ATP11A: variants seen among roughly 807,000 people sequenced by gnomAD.
ATP11A encodes ATPase phospholipid transporting 11A, also known as phospholipid-transporting ATPase IH.
In ATP11A, 81 loss-of-function variants were observed where a neutral mutation model predicts 154.4. The ratio of observed to expected loss-of-function variants is 0.52; its 90% CI spans 0.44 to 0.63. The LOEUF (loss-of-function observed/expected upper bound fraction) is 0.63. ATP11A is among the 30% of genes least tolerant of loss of function. The pLI, the probability that ATP11A is intolerant of heterozygous loss-of-function variation, is 0.00. For missense variants in ATP11A, 1,316 were observed against 1,474.3 expected (o/e 0.89, Z 1.76); for synonymous variants, 623 against 585.9 (o/e 1.06, Z -0.91).
At chr13:112,860,855 T>C in intron 24 of ATP11A, 1 of 154,300 alleles carries the variant, frequency 6.5e-6, no homozygotes, top group Non-Finnish European at 1.4e-5. Context: ...ATGGAAGAGA[T>C]ATTTTTCTGC....
intron 18 of ATP11A, among the ~76,000 whole-genome samples, chr13:112,853,160 C>A (rs997533851): frequency 6.6e-6 from 1 of 151,954 alleles, no homozygotes; most frequent in Non-Finnish European, 1.5e-5. Context: ...TTGGAGGCTG[C>A]GGTGAGCTGA....
chr13:112,795,843 G>A (rs1342114349), intron 2 of ATP11A, among the ~76,000 whole-genome samples: 4 of 152,192 alleles, frequency 2.6e-5, no homozygotes, highest in Admixed American at 1.3e-4. Flanking sequence ...TGTTTGCCAA[G>A]TTGTATACAC....
intron 27 of ATP11A, among the ~76,000 whole-genome samples, chr13:112,873,919 G>A (rs895482754): frequency 6.6e-6 from 1 of 152,174 alleles, no homozygotes; most frequent in African/African-American, 2.4e-5. Context: ...AACAGCTTGT[G>A]ACGAGTTATA....
chr13:112,710,236 G>A (rs1315235931), intron 1 of ATP11A, among the ~76,000 whole-genome samples: 1 of 152,164 alleles, frequency 6.6e-6, no homozygotes, highest in Admixed American at 6.5e-5. Flanking sequence ...GCTGCCTTGG[G>A]GGCCCTTTGG....
chr13:112,698,879 G>A (rs1017650784), intron 1 of ATP11A, among the ~76,000 whole-genome samples: 2 of 151,978 alleles, frequency 1.3e-5, no homozygotes, highest in African/African-American at 2.4e-5. Flanking sequence ...CTGCCACCAC[G>A]CCTGTCTCAT....
chr13:112,758,929 T>G (rs1172076322), intron 1 of ATP11A, among the ~76,000 whole-genome samples: 1 of 152,254 alleles, frequency 6.6e-6, no homozygotes, highest in Admixed American at 6.5e-5. Flanking sequence ...ACGTACAGTT[T>G]TGTAGCCTTC....
intron 25 of ATP11A, among the ~76,000 whole-genome samples, chr13:112,864,349 T>TCGC (rs1566589939): frequency 4.2e-5 from 2 of 47,896 alleles, no homozygotes; most frequent in African/African-American, 7.5e-5. Context: ...GTGCAGGCCA[T>TCGC]GCAGCTTCCC....
chr13:112,835,762 G>A (rs986965869), intron 15 of ATP11A, among the ~76,000 whole-genome samples: 9 of 152,228 alleles, frequency 5.9e-5, no homozygotes, highest in East Asian at 1.9e-4. Context: ...CAGCCAAAAC[G>A]CTTTTTCCTT....
Position 112,875,838 on chromosome 13 carries a change from C to T in ATP11A, c.3224C>T (p.Ala1075Val), listed in dbSNP as rs769836997. 1.9e-6 allele frequency: 3 copies of T among 1,614,000 alleles called. No homozygotes were observed. In the East Asian group the frequency reaches 6.7e-5, roughly 36 times the overall value. The stretch of plus-strand genomic sequence containing the variant: ...ATCCAGATGCTGTCCAGCGGGCCCG[C>T]CTGGCTGGCCATCGTGCTGCTGGTG... ...VFIQMLSSGP[A>V]WLAIVLLVTI... is the part of the protein sequence containing the mutation. The change falls in exon 28 of 30, where the codon GCC (alanine) becomes GTC (valine). Residue 1075 changes from alanine to valine, a missense_variant. Coordinates refer to ENST00000375645, the MANE Select transcript of ATP11A (RefSeq NM_015205.3). The surrounding 1 kb of genome is among the most constrained non-coding windows in gnomAD (Gnocchi z 4.1).
At chr13:112,836,470 G>A (rs555862871) in intron 16 of ATP11A, among the ~76,000 whole-genome samples, 165 of 152,120 alleles carry the variant, frequency 1.1e-3, no homozygotes, top group Non-Finnish European at 2.1e-3. Flanking sequence ...CTAAACATCC[G>A]GCACCCTTGC....
rs1446013673 is a variant in ATP11A, at chr13:112,838,335, T to C, written c.1705+2084T>C. The stretch of plus-strand genomic sequence containing the variant: ...CCCCGTAGCAGTCGAATCTAGCTGT[T>C]GAGCCATGGCTGGAACATGCTGCCC... On this transcript the variant is annotated intron_variant, in intron 16 of 29. Transcript: ENST00000375645. The surrounding 1 kb of genome is among the most constrained non-coding windows in gnomAD (Gnocchi z 7.3). Among the ~76,000 whole-genome samples, 1 of 152,114 alleles carries C rather than the reference T, an allele frequency of 6.6e-6. No homozygotes were observed. The highest frequency in any genetic ancestry group is 2.4e-5 in the African/African-American group (1 of 41,422).
intron 8 of ATP11A, among the ~76,000 whole-genome samples, chr13:112,822,370 C>T (rs1399619283): frequency 6.6e-6 from 1 of 152,182 alleles, no homozygotes; most frequent in African/African-American, 2.4e-5. Flanking sequence ...CAGAACGGGG[C>T]TTGTTCTTCC....
At chr13:112,725,049 C>CA (rs2139657804) in intron 1 of ATP11A, among the ~76,000 whole-genome samples, 1 of 152,282 alleles carries the variant, frequency 6.6e-6, no homozygotes, top group South Asian at 2.1e-4. Flanking sequence ...GGTGTGGGAC[C>CA]AACAGCTGAT....
At chr13:112,758,985 C>G (rs955253932) in intron 1 of ATP11A, among the ~76,000 whole-genome samples, 1 of 152,090 alleles carries the variant, frequency 6.6e-6, no homozygotes, top group African/African-American at 2.4e-5. Context: ...ATCATTGAAC[C>G]AATTCATTTA....
At chr13:112,831,218 C>T (rs2079074585) in intron 12 of ATP11A, among the ~76,000 whole-genome samples, 157 bp from the exon 13 acceptor site, 1 of 152,148 alleles carries the variant, frequency 6.6e-6, no homozygotes, top group Non-Finnish European at 1.5e-5. Flanking sequence ...CATGGCTCAG[C>T]CCAGTGAGGG....
chr13:112,883,538 T>C lies in ATP11A; in HGVS notation c.*1672T>C, dbSNP rs929744709. 1 of 223,802 alleles carries C rather than the reference T, an allele frequency of 4.5e-6. No homozygotes were observed. The highest frequency in any genetic ancestry group is 2.3e-5 in the African/African-American group (1 of 44,080). The allele number at this position is 223,802 out of a possible 1,614,324, so 13.9% of individuals were successfully genotyped here. On this transcript the variant is annotated 3_prime_UTR_variant, in exon 30 of 30. Transcript: ENST00000375645. Reference sequence around the variant, plus strand: ...ATTTTTGGAAGCTCAGATTTCACCATTTGATTGTATAATCTTTTACCTATA... The same window carrying C: ...ATTTTTGGAAGCTCAGATTTCACCACTTGATTGTATAATCTTTTACCTATA...
chr13:112,791,471 C>T (rs2077855172), intron 2 of ATP11A, among the ~76,000 whole-genome samples: 2 of 152,240 alleles, frequency 1.3e-5, no homozygotes, highest in Non-Finnish European at 2.9e-5. Flanking sequence ...GCAGCAGCGG[C>T]AGAGCTTGAT....
At chr13:112,725,513 G>A (rs1309051970) in intron 1 of ATP11A, among the ~76,000 whole-genome samples, 1 of 152,222 alleles carries the variant, frequency 6.6e-6, no homozygotes, top group African/African-American at 2.4e-5. Flanking sequence ...GCGTCTGCAC[G>A]CGGCTGGCTC....
At chr13:112,744,655 T>G (rs1045794011) in intron 1 of ATP11A, among the ~76,000 whole-genome samples, 1 of 152,212 alleles carries the variant, frequency 6.6e-6, no homozygotes, top group Non-Finnish European at 1.5e-5. Context: ...CTCGGTGCTG[T>G]GGAGGTGTTT....
Sources: gnomAD v4.1 joint callset for allele counts (sites outside exome capture counted in the v4.1 genomes callset) on GRCh38, gnomAD v4.1.1 for gene constraint, Gnocchi (gnomAD v3.1) non-coding constraint, MANE v1.5 for transcripts, NCBI Gene and HGNC (gene_info 2026-07-23, HGNC 2026-07-21) for gene names.